SAXO1: variants seen among roughly 807,000 people sequenced by gnomAD.
The protein encoded by SAXO1 is 4930500O09Rik.
In SAXO1, 21 loss-of-function variants were observed where a neutral mutation model predicts 17.5. That is an observed-to-expected ratio of 1.20 (90% CI 0.85 to 1.72). The LOEUF (loss-of-function observed/expected upper bound fraction) is 1.72, where lower values mean the gene tolerates loss of function less well. SAXO1 is among the 40% of genes most tolerant of loss of function. SAXO1 has a pLI of 0.00. For missense variants in SAXO1, 843 were observed against 596.0 expected, an observed-to-expected ratio of 1.41 and a Z score of -4.32; for synonymous variants, 274 against 216.5, an observed-to-expected ratio of 1.27 and a Z score of -2.33.
chr9:18,991,848 T>C (rs934299662), intron 1 of SAXO1, among the ~76,000 whole-genome samples: 9 of 152,138 alleles, frequency 5.9e-5, no homozygotes, highest in Non-Finnish European at 1.2e-4. Context: ...TGCCAGAAAG[T>C]TGGAGGACTG....
At chr9:19,020,313 T>C (rs1835167521) in intron 1 of SAXO1, among the ~76,000 whole-genome samples, 2 of 152,216 alleles carry the variant, frequency 1.3e-5, no homozygotes, top group Middle Eastern at 3.4e-3. Flanking sequence ...TCCAGTTTGT[T>C]TGGGGCCCAG....
chr9:19,028,557 CA>C lies in SAXO1; in HGVS notation c.38+4313del, dbSNP rs368390776. ...AGATAATTAAGTGGTACATTAGTTT[CA>C]AAAAAAATTTAGATGCTGACCTTAC... On this transcript the variant is annotated intron_variant, in intron 1 of 3. Coordinates refer to ENST00000380534, the MANE Select transcript of SAXO1 (RefSeq NM_153707.4). Among the ~76,000 whole-genome samples, 448 of 152,128 alleles carry C rather than the reference CA, an allele frequency of 2.9e-3. 7 individuals carry two copies. In the South Asian group the frequency reaches 0.039, roughly 13 times the overall value.
chr9:18,984,043 T>C (rs952855967), intron 1 of SAXO1, among the ~76,000 whole-genome samples: 3 of 146,426 alleles, frequency 2.0e-5, no homozygotes, highest in Non-Finnish European at 2.9e-5. Flanking sequence ...TTCATCTCCT[T>C]ATACATCTCC....
chr9:19,045,316 C>CAAAAAAAAAAAAAA (rs575855900), intron 1 of SAXO1, among the ~76,000 whole-genome samples: 1 of 89,308 alleles, frequency 1.1e-5, no homozygotes, highest in Admixed American at 1.5e-4. Context: ...GACTCCGTCT[C>CAAAAAAAAAAAAAA]AAAAAAAAAA....
chr9:18,931,038 A>C (rs1831024192), intron 3 of SAXO1, among the ~76,000 whole-genome samples: 1 of 152,212 alleles, frequency 6.6e-6, no homozygotes, highest in Non-Finnish European at 1.5e-5. Flanking sequence ...TTGAAATCTA[A>C]TTTGCATAAT....
At chr9:18,993,798 A>G (rs1011747233) in intron 1 of SAXO1, among the ~76,000 whole-genome samples, 4 of 152,180 alleles carry the variant, frequency 2.6e-5, no homozygotes, top group Non-Finnish European at 5.9e-5. Context: ...CAATCCTTAA[A>G]GTCACCCTAT....
intron 1 of SAXO1, among the ~76,000 whole-genome samples, chr9:19,018,209 C>T (rs1835073203): frequency 6.6e-6 from 1 of 151,918 alleles, no homozygotes; most frequent in Non-Finnish European, 1.5e-5. Context: ...ACCACAGAAC[C>T]ATTCTCCATG....
chr9:18,964,480 T>C (rs1325249419), intron 1 of SAXO1, among the ~76,000 whole-genome samples: 1 of 152,234 alleles, frequency 6.6e-6, no homozygotes, highest in African/African-American at 2.4e-5. Context: ...GGGACTCAAA[T>C]TCTTCCTGGT....
chr9:18,936,584 G>C (rs533122587), intron 3 of SAXO1, among the ~76,000 whole-genome samples: 2 of 152,198 alleles, frequency 1.3e-5, no homozygotes, highest in South Asian at 4.2e-4. Context: ...CAAGCCTCCC[G>C]ACTTCCTCCA....
At chr9:18,938,392 T>C (rs1408683125) in intron 3 of SAXO1, among the ~76,000 whole-genome samples, 2 of 152,032 alleles carry the variant, frequency 1.3e-5, no homozygotes, top group African/African-American at 4.8e-5. Context: ...GTTTTACTCA[T>C]GGTGGAAGGC....
chr9:18,944,442 T>C (rs1238334542), intron 2 of SAXO1, among the ~76,000 whole-genome samples: 1 of 152,166 alleles, frequency 6.6e-6, no homozygotes, highest in Non-Finnish European at 1.5e-5. Flanking sequence ...AAAAGAAAAG[T>C]CTATATTTTA....
intron 1 of SAXO1, among the ~76,000 whole-genome samples, chr9:18,964,542 T>G (rs1046705798): frequency 5.9e-5 from 9 of 152,224 alleles, no homozygotes; most frequent in African/African-American, 1.7e-4. Flanking sequence ...TCTTCTAGAT[T>G]TTCTAGTTTA....
At position 18,973,539 on chromosome 9, in the gene SAXO1, G is replaced by C. The variant is rs139523517; in HGVS notation, c.39-22602C>G. Among the ~76,000 whole-genome samples the C allele has an allele frequency of 7.3e-3, 1,116 of 152,324 alleles. 20 individuals are homozygous for C. The highest frequency in any genetic ancestry group is 0.026 in the African/African-American group (1,068 of 41,554). ...TGCAGCCAAAACCCAGACGTGTCTT[G>C]CCCTTGTTATCATTACACATCCTGG... On this transcript the variant is annotated intron_variant, in intron 1 of 3. Coordinates refer to ENST00000380534, the MANE Select transcript of SAXO1 (RefSeq NM_153707.4).
intron 1 of SAXO1, among the ~76,000 whole-genome samples, chr9:18,988,722 T>C (rs1348954867): frequency 1.3e-5 from 2 of 152,202 alleles, no homozygotes; most frequent in Admixed American, 6.5e-5. Flanking sequence ...GTGATGTAAA[T>C]TGCTGTATCT....
intron 1 of SAXO1, among the ~76,000 whole-genome samples, chr9:18,989,115 T>C (rs1341746826): frequency 6.6e-6 from 1 of 152,190 alleles, no homozygotes; most frequent in Non-Finnish European, 1.5e-5. Flanking sequence ...ACTCCTATCA[T>C]CTATCATTAC....
At chr9:18,947,170 C>T (rs542551323) in intron 2 of SAXO1, among the ~76,000 whole-genome samples, 1 of 152,308 alleles carries the variant, frequency 6.6e-6, no homozygotes, top group East Asian at 1.9e-4. Flanking sequence ...GCTATGGAGG[C>T]TAAGTATATG....
At chr9:18,935,419 C>A (rs1831241655) in intron 3 of SAXO1, among the ~76,000 whole-genome samples, 1 of 152,218 alleles carries the variant, frequency 6.6e-6, no homozygotes, top group African/African-American at 2.4e-5. Context: ...CTCCCCTACA[C>A]AAGCACTAGG....
At position 18,928,046 on chromosome 9, in the gene SAXO1, T is replaced by C; in HGVS notation, c.*6A>G. ...TGTGTAATTTCTAAATTACTATTTT[T>C]CAAAATCAGGCTAACACTTCCAACT... On this transcript the variant is annotated 3_prime_UTR_variant, in exon 4 of 4. Transcript: ENST00000380534. 6.4e-7 allele frequency: 1 copy of C among 1,554,844 alleles called. No homozygotes were observed. The highest frequency in any genetic ancestry group is 8.7e-7 in the Non-Finnish European group (1 of 1,147,684).
At chr9:18,935,694 C>T (rs1831256941) in intron 3 of SAXO1, among the ~76,000 whole-genome samples, 1 of 152,202 alleles carries the variant, frequency 6.6e-6, no homozygotes, top group Non-Finnish European at 1.5e-5. Flanking sequence ...TCCCTTCTTA[C>T]ATTCCTAGCT....
Sources: gnomAD v4.1 joint callset for allele counts (sites outside exome capture counted in the v4.1 genomes callset) on GRCh38, gnomAD v4.1.1 for gene constraint, MANE v1.5 for transcripts, NCBI Gene and HGNC (gene_info 2026-07-23, HGNC 2026-07-21) for gene names.